BTBD8: variants seen among roughly 807,000 people sequenced by gnomAD.
The protein encoded by BTBD8 is BTB/POZ domain-containing protein 8.
Under a neutral mutation model 162.9 loss-of-function variants are expected in BTBD8, and 110 were observed. The observed-to-expected ratio is 0.68, with a 90% CI of 0.58 to 0.79. The LOEUF is 0.79. Ranked by LOEUF, BTBD8 falls within the 30% of genes least tolerant of loss-of-function variation. BTBD8 has a pLI of 0.00. For missense variants in BTBD8, 1,905 were observed against 2,085.4 expected (o/e 0.91, Z 1.68); for synonymous variants, 667 against 716.1 (o/e 0.93, Z 1.10).
intron 6 of BTBD8, among the ~76,000 whole-genome samples, chr1:92,140,555 C>T (rs1261770174): frequency 6.6e-6 from 1 of 152,172 alleles, no homozygotes; most frequent in African/African-American, 2.4e-5. Context: ...GTTTTGTCCC[C>T]TGGCAACCTA....
At chr1:92,085,576 G>A (rs763451969) in intron 1 of BTBD8, among the ~76,000 whole-genome samples, 7 of 151,964 alleles carry the variant, frequency 4.6e-5, no homozygotes, top group South Asian at 2.1e-4. Flanking sequence ...CAGGAGAATC[G>A]CTTGAACCTA....
At chr1:92,147,102 G>A in intron 7 of BTBD8, 78 bp from the exon 8 acceptor site, 1 of 1,090,380 alleles carries the variant, frequency 9.2e-7, no homozygotes, top group Non-Finnish European at 1.3e-6. Flanking sequence ...ATATAAATTG[G>A]ATTATCTTTA....
intron 17 of BTBD8, 41 bp from the exon 18 acceptor site, chr1:92,183,823 C>A: frequency 7.4e-7 from 1 of 1,352,388 alleles, no homozygotes; most frequent in Non-Finnish European, 1.0e-6. Context: ...AGGGTACCAA[C>A]GTGCAATTTT....
intron 3 of BTBD8, among the ~76,000 whole-genome samples, chr1:92,104,057 G>T (rs1256567841): frequency 6.6e-6 from 1 of 152,186 alleles, no homozygotes; most frequent in Non-Finnish European, 1.5e-5. Context: ...TCAGCTGAGT[G>T]CAGCTTTCTG....
At chr1:92,146,502 G>C (rs1168613453) in intron 7 of BTBD8, among the ~76,000 whole-genome samples, 1 of 152,158 alleles carries the variant, frequency 6.6e-6, no homozygotes, top group Non-Finnish European at 1.5e-5. Flanking sequence ...TGCTGTTGGT[G>C]TTGTACATTT....
chr1:92,102,742 A>G lies in BTBD8; in HGVS notation c.544+73A>G, dbSNP rs1018901687. On this transcript the variant is annotated intron_variant, in intron 3 of 17. Transcript: ENST00000636805. Reference sequence around the variant, plus strand: ...TATTCTGATACAGTTAGAGAAAAGCATACTTCAAAAATATGCTTTACTGAT... The same window carrying G: ...TATTCTGATACAGTTAGAGAAAAGCGTACTTCAAAAATATGCTTTACTGAT... The G allele has an allele frequency of 3.1e-6, 4 of 1,273,486 alleles. No homozygotes were observed. The Admixed American group carries it at 9.2e-5, about 29-fold the overall frequency. 78.9% of individuals were successfully genotyped at this position (1,273,486 alleles called of 1,614,324 possible).
At chr1:92,167,803 AT>A in intron 10 of BTBD8, 44 bp from the exon 11 acceptor site, 1 of 1,458,360 alleles carries the variant, frequency 6.9e-7, no homozygotes, top group Non-Finnish European at 9.3e-7. Flanking sequence ...TTTCTTGTGC[AT>A]TTTATATGTA....
At chr1:92,139,009 G>A (rs1649702325) in intron 5 of BTBD8, among the ~76,000 whole-genome samples, 1 of 152,156 alleles carries the variant, frequency 6.6e-6, no homozygotes, top group Admixed American at 6.5e-5. Context: ...CAAGACCAGA[G>A]GGCGTTTGTT....
intron 5 of BTBD8, among the ~76,000 whole-genome samples, chr1:92,130,357 A>T (rs894845089): frequency 1.3e-5 from 2 of 151,578 alleles, no homozygotes; most frequent in Non-Finnish European, 2.9e-5. Context: ...TAGTTTTTAA[A>T]TTTTTCTTTT....
At chr1:92,082,407 G>T (rs1198228564) in intron 1 of BTBD8, among the ~76,000 whole-genome samples, 1 of 152,132 alleles carries the variant, frequency 6.6e-6, no homozygotes, top group Non-Finnish European at 1.5e-5. Flanking sequence ...TTGCTTTGTT[G>T]TTTGTCCTTA....
chr1:92,096,551 C>CTTT (rs1184914140), intron 2 of BTBD8, among the ~76,000 whole-genome samples: 1 of 139,164 alleles, frequency 7.2e-6, no homozygotes, highest in Non-Finnish European at 1.6e-5. Flanking sequence ...CCTATATTTC[C>CTTT]TTTTTTTTTT....
At chr1:92,097,282 A>C (rs1648477765) in intron 2 of BTBD8, among the ~76,000 whole-genome samples, 1 of 151,996 alleles carries the variant, frequency 6.6e-6, no homozygotes, top group Non-Finnish European at 1.5e-5. Context: ...CTAATACTCC[A>C]CCAGCTAATA....
Position 92,181,306 on chromosome 1 carries a change from A to G in BTBD8, c.3623A>G (p.Glu1208Gly). The G allele has an allele frequency of 1.3e-6, 2 of 1,551,472 alleles. No homozygotes were observed. Among genetic ancestry groups the G allele is most frequent in the Non-Finnish European group, 1.7e-6 (2 of 1,146,936 alleles). Reference protein sequence around the residue: ...SSKCFSGQLSEKNSPKNMETS... With the variant: ...SSKCFSGQLSGKNSPKNMETS... ...AAGTGTTTTTCGGGACAGCTATCAG[A>G]AAAAAATTCTCCTAAAAATATGGAA... The change falls in exon 17 of 18, where the codon GAA (glutamate) becomes GGA (glycine). Residue 1208 changes from glutamate (E) to glycine (G), a missense_variant. Coordinates refer to ENST00000636805, the MANE Select transcript of BTBD8 (RefSeq NM_001376131.1).
Position 92,126,078 on chromosome 1 carries a change from A to G in BTBD8, c.663-3609A>G, listed in dbSNP as rs1323900803. ...GAAGATGTATGAGGAATTCCTTAGT[A>G]AAGTGTCTATTTTAGAGTCTCTGGA... On this transcript the variant is annotated intron_variant, in intron 4 of 17. Transcript: ENST00000636805. 2.2e-5 allele frequency: 11 copies of G among 491,950 alleles called. No individual in the cohort carries two copies. In the East Asian group the frequency reaches 5.1e-4, roughly 23 times the overall value. 30.5% of individuals were successfully genotyped at this position (491,950 alleles called of 1,614,324 possible).
intron 10 of BTBD8, among the ~76,000 whole-genome samples, 178 bp from the exon 11 acceptor site, chr1:92,167,667 AAAT>A (rs1192567589): frequency 6.6e-6 from 1 of 152,248 alleles, no homozygotes; most frequent in Admixed American, 6.5e-5. Context: ...TAATAAAAAT[AAAT>A]AAATAAAAAT....
At chr1:92,101,937 A>G (rs1035832739) in intron 2 of BTBD8, among the ~76,000 whole-genome samples, 36 of 152,214 alleles carry the variant, frequency 2.4e-4, no homozygotes, top group African/African-American at 7.5e-4. Context: ...AGCTCAAGCA[A>G]TCCTCCTGCC....
At chr1:92,147,515 A>G (rs536545544) in intron 8 of BTBD8, among the ~76,000 whole-genome samples, 169 bp from the exon 9 acceptor site, 26 of 152,348 alleles carry the variant, frequency 1.7e-4, no homozygotes, top group African/African-American at 5.8e-4. Flanking sequence ...TGGATTTAAA[A>G]TACATGTTTA....
intron 4 of BTBD8, among the ~76,000 whole-genome samples, chr1:92,112,436 G>A (rs982278294): frequency 6.6e-6 from 1 of 152,064 alleles, no homozygotes; most frequent in Non-Finnish European, 1.5e-5. Flanking sequence ...GTATCATAGT[G>A]TATATATGTA....
chr1:92,141,092 C>T (rs2101940947), intron 6 of BTBD8, 23 bp from the exon 7 acceptor site: 1 of 1,515,488 alleles, frequency 6.6e-7, no homozygotes, highest in Non-Finnish European at 8.8e-7. Context: ...GGAGAATTAA[C>T]AGTGCATCTA....
Sources: gnomAD v4.1 joint callset for allele counts (sites outside exome capture counted in the v4.1 genomes callset) on GRCh38, gnomAD v4.1.1 for gene constraint, MANE v1.5 for transcripts, NCBI Gene and HGNC (gene_info 2026-07-23, HGNC 2026-07-21) for gene names.